ISY1: variants seen among roughly 807,000 people sequenced by gnomAD.
The protein encoded by ISY1 is pre-mRNA-splicing factor ISY1 homolog.
ISY1 carries 12 observed loss-of-function variants against 54.4 expected under a neutral mutation model. That is an observed-to-expected ratio of 0.22 (90% CI 0.14 to 0.36). The LOEUF (loss-of-function observed/expected upper bound fraction) is 0.36, where lower values mean the gene tolerates loss of function less well. ISY1 is among the 10% of genes least tolerant of loss of function. ISY1 has a pLI of 1.00. For synonymous variants in ISY1, 96 were observed against 117.9 expected, an observed-to-expected ratio of 0.81 and a Z score of 1.20; for missense variants, 282 against 342.2, an observed-to-expected ratio of 0.82 and a Z score of 1.39.
intron 5 of ISY1, among the ~76,000 whole-genome samples, chr3:129,146,120 C>CA (rs905874432): frequency 4.0e-5 from 6 of 151,532 alleles, no homozygotes; most frequent in African/African-American, 1.2e-4. Flanking sequence ...CATTAGCAAC[C>CA]AAAAAAATAT....
At position 129,133,998 on chromosome 3, in the gene ISY1, G is replaced by A. The variant is rs1162054219; in HGVS notation, c.663+76C>T. On this transcript the variant is annotated intron_variant, in intron 9 of 10. Coordinates refer to ENST00000393295, the MANE Select transcript of ISY1 (RefSeq NM_020701.4). ...GTGAACCCTGACTCTGTATTTGGGAGCCAAGTTTCCTCCCTGCCACACTTC... is the reference window on the plus strand; with the variant it reads ...GTGAACCCTGACTCTGTATTTGGGAACCAAGTTTCCTCCCTGCCACACTTC... 3 of 1,593,792 alleles carry A rather than the reference G, an allele frequency of 1.9e-6. No individual in the cohort carries two copies. The African/African-American group carries it at 4.0e-5, about 21-fold the overall frequency.
rs1576864962 is a variant in ISY1 at position 129,128,774 on chromosome 3, C to G, written c.*1307G>C. 1.3e-5 allele frequency: 2 copies of G among 152,832 alleles called. No individual in the cohort carries two copies. The highest frequency in any genetic ancestry group is 1.3e-4 in the Admixed American group (2 of 15,288). 9.5% of individuals were successfully genotyped at this position (152,832 alleles called of 1,614,324 possible). Reference sequence around the variant, plus strand: ...AGCCCCAGGCCCCAGGAACAGCCATCTGGCCCTGACCCTGAGTTCCCAGAC... The same window carrying G: ...AGCCCCAGGCCCCAGGAACAGCCATGTGGCCCTGACCCTGAGTTCCCAGAC... On this transcript the variant is annotated 3_prime_UTR_variant, in exon 11 of 11. Transcript: ENST00000393295.
chr3:129,146,176 A>C (rs2107611253), intron 5 of ISY1, among the ~76,000 whole-genome samples: 1 of 152,338 alleles, frequency 6.6e-6, no homozygotes, highest in Middle Eastern at 3.4e-3. Flanking sequence ...AAAACTACTG[A>C]AATAACAAGC....
intron 7 of ISY1, among the ~76,000 whole-genome samples, chr3:129,137,559 G>A (rs1197591609): frequency 2.0e-5 from 3 of 152,088 alleles, no homozygotes; most frequent in Non-Finnish European, 4.4e-5. Context: ...ACAGCCAGGC[G>A]AGGTGGCTCA....
chr3:129,147,426 G>A (rs144565463), intron 5 of ISY1, among the ~76,000 whole-genome samples: 3 of 152,034 alleles, frequency 2.0e-5, no homozygotes, highest in African/African-American at 7.2e-5. Context: ...CCACTCCCAC[G>A]TTCTGTTCTA....
At chr3:129,147,824 T>C (rs945078966) in intron 5 of ISY1, among the ~76,000 whole-genome samples, 1 of 152,322 alleles carries the variant, frequency 6.6e-6, no homozygotes, top group African/African-American at 2.4e-5. Flanking sequence ...ACACAATTTA[T>C]TCTGTTCCTA....
intron 5 of ISY1, among the ~76,000 whole-genome samples, chr3:129,153,809 A>T (rs1672519362): frequency 6.6e-6 from 1 of 151,834 alleles, no homozygotes; most frequent in Non-Finnish European, 1.5e-5. Context: ...ACAAAACAAA[A>T]TGAACTATTT....
chr3:129,159,300 T>G, intron 1 of ISY1, 124 bp from the exon 2 acceptor site: 1 of 1,261,746 alleles, frequency 7.9e-7, no homozygotes, highest in Non-Finnish European at 1.1e-6. Flanking sequence ...AAGTACTATA[T>G]GAACAACAAT....
chr3:129,148,747 T>A (rs1936846652), intron 5 of ISY1, among the ~76,000 whole-genome samples: 1 of 151,838 alleles, frequency 6.6e-6, no homozygotes, highest in African/African-American at 2.4e-5. Flanking sequence ...GTATTTATTT[T>A]TAGTAGAGAT....
At chr3:129,130,264 TC>T in intron 10 of ISY1, 76 bp from the exon 11 acceptor site, 2 of 1,503,550 alleles carry the variant, frequency 1.3e-6, no homozygotes, top group South Asian at 2.7e-5. Context: ...CAGGAGGAAG[TC>T]CCCGTGGGAG....
chr3:129,127,480 C>T lies in ISY1; in HGVS notation c.*2601G>A, dbSNP rs1374717786. On this transcript the variant is annotated 3_prime_UTR_variant, in exon 11 of 11. Transcript: ENST00000393295. ...CCTCCTGAGATTGGTTCTGTCACCT[C>T]GGAGCCACAAGCTGGGAAAAGATAA... The T allele has an allele frequency of 2.6e-5, 4 of 152,220 alleles. No homozygotes were observed. In the East Asian group the frequency reaches 7.7e-4, roughly 29 times the overall value. The allele number at this position is 152,220 out of a possible 1,614,324, so 9.4% of individuals were successfully genotyped here.
intron 5 of ISY1, among the ~76,000 whole-genome samples, chr3:129,155,957 G>A (rs1359074026): frequency 2.0e-5 from 3 of 152,080 alleles, no homozygotes; most frequent in Non-Finnish European, 4.4e-5. Context: ...CAGACCTTAG[G>A]TGATCCTCCC....
chr3:129,157,662 A>T (rs1448808677), intron 3 of ISY1, among the ~76,000 whole-genome samples: 1 of 143,834 alleles, frequency 7.0e-6, no homozygotes, highest in Admixed American at 7.2e-5. Flanking sequence ...TGGAGGTTAC[A>T]GTGAGCCAAG....
At chr3:129,142,243 T>C (rs1225297158) in intron 6 of ISY1, among the ~76,000 whole-genome samples, 1 of 149,400 alleles carries the variant, frequency 6.7e-6, no homozygotes, top group Non-Finnish European at 1.5e-5. Context: ...GACAACTACA[T>C]GTAGTATGTG....
intron 9 of ISY1, among the ~76,000 whole-genome samples, chr3:129,133,554 C>G (rs933776382): frequency 6.6e-6 from 1 of 152,244 alleles, no homozygotes; most frequent in African/African-American, 2.4e-5. Flanking sequence ...ATTAGCCATG[C>G]GTGGTGGCAC....
chr3:129,138,521 G>A (rs1057303855), intron 7 of ISY1, among the ~76,000 whole-genome samples: 2 of 151,492 alleles, frequency 1.3e-5, no homozygotes, highest in Non-Finnish European at 2.9e-5. Context: ...GCAGATGCCT[G>A]TAGTCCCAGC....
chr3:129,158,820 T>C (rs1937219299), intron 2 of ISY1, among the ~76,000 whole-genome samples: 1 of 152,158 alleles, frequency 6.6e-6, no homozygotes, highest in South Asian at 2.1e-4. Context: ...AAACTCTACT[T>C]ATCAGACCAC....
At chr3:129,155,678 T>C (rs909550640) in intron 5 of ISY1, among the ~76,000 whole-genome samples, 29 of 152,170 alleles carry the variant, frequency 1.9e-4, no homozygotes, top group African/African-American at 7.0e-4. Context: ...ATTTTTCAGA[T>C]ATGAATCTGT....
intron 1 of ISY1, 55 bp downstream of exon 1, chr3:129,160,918 G>GACCCCCCCCCCCCC: frequency 1.5e-6 from 1 of 665,826 alleles, no homozygotes; most frequent in Middle Eastern, 3.9e-4. Context: ...TGGACTGGGC[G>GACCCCCCCCCCCCC]CCCCCCCGCC....
Sources: allele counts gnomAD v4.1 joint callset (sites outside exome capture counted in the v4.1 genomes callset), GRCh38; gene constraint gnomAD v4.1.1; transcripts MANE v1.5; gene names NCBI Gene and HGNC (gene_info 2026-07-23, HGNC 2026-07-21).